RASEF: variants seen among roughly 807,000 people sequenced by gnomAD.
The protein encoded by RASEF is ras and EF-hand domain-containing protein.
In RASEF, 68 loss-of-function variants were observed where a neutral mutation model predicts 90.1. The ratio of observed to expected loss-of-function variants is 0.75; its 90% CI spans 0.62 to 0.92. RASEF has a LOEUF of 0.92. Ranked by LOEUF, RASEF falls within the 40% of genes least tolerant of loss-of-function variation. The pLI, the probability that RASEF is intolerant of heterozygous loss-of-function variation, is 0.00. For synonymous variants in RASEF, 331 were observed against 345.2 expected (o/e 0.96, Z 0.46); for missense variants, 949 against 937.2 (o/e 1.01, Z -0.16).
At chr9:83,173,391 C>A in the RASEF span, among the ~76,000 whole-genome samples, 6 of 151,742 alleles carry the variant, frequency 4.0e-5, no homozygotes, top group African/African-American at 1.5e-4. Context: ...CCTTTTGAGG[C>A]TATTTTCTAG....
chr9:82,991,123 T>G (rs923777651), intron 15 of RASEF, among the ~76,000 whole-genome samples: 1 of 152,002 alleles, frequency 6.6e-6, no homozygotes, highest in African/African-American at 2.4e-5. Context: ...CATCCCCCAC[T>G]CACTCACAGA....
At chr9:83,069,579 G>A in the RASEF span, among the ~76,000 whole-genome samples, 2 of 152,084 alleles carry the variant, frequency 1.3e-5, no homozygotes, top group Non-Finnish European at 2.9e-5. Flanking sequence ...TGATATTTGG[G>A]TCATTTCCAG....
the RASEF span, among the ~76,000 whole-genome samples, chr9:83,212,000 C>T: frequency 1.3e-5 from 2 of 151,782 alleles, no homozygotes; most frequent in Non-Finnish European, 2.9e-5. Flanking sequence ...GAAACTAGTA[C>T]TTGAATTGAA....
intron 1 of RASEF, among the ~76,000 whole-genome samples, chr9:83,056,657 G>A (rs1830108956): frequency 6.6e-6 from 1 of 152,240 alleles, no homozygotes; most frequent in African/African-American, 2.4e-5. Context: ...GATAGGGGTA[G>A]TGTAACTGAA....
the RASEF span, among the ~76,000 whole-genome samples, chr9:83,203,672 G>A: frequency 7.9e-5 from 12 of 152,110 alleles, no homozygotes; most frequent in African/African-American, 2.7e-4. Flanking sequence ...AAGGTGGTAC[G>A]GTGGGGGTCT....
the RASEF span, among the ~76,000 whole-genome samples, chr9:83,161,978 T>G: frequency 2.6e-5 from 4 of 152,026 alleles, no homozygotes; most frequent in Admixed American, 6.5e-5. Context: ...CCAATAAACC[T>G]CTTTCTTCTG....
At chr9:83,178,086 T>C in the RASEF span, among the ~76,000 whole-genome samples, 1 of 152,216 alleles carries the variant, frequency 6.6e-6, no homozygotes, top group Non-Finnish European at 1.5e-5. Flanking sequence ...GTTTGTTTTG[T>C]TTTTTATCAT....
At chr9:83,148,167 T>A in the RASEF span, among the ~76,000 whole-genome samples, 750 of 152,262 alleles carry the variant, frequency 4.9e-3, 16 homozygotes, top group East Asian at 0.062. Context: ...TTGCCTCCTA[T>A]CTGTATCAGT....
chr9:83,001,198 C>A, intron 9 of RASEF, 68 bp from the exon 10 acceptor site: 1 of 1,107,924 alleles, frequency 9.0e-7, no homozygotes, highest in South Asian at 1.4e-5. Flanking sequence ...AGGCAATAGA[C>A]CACATGCCAT....
chr9:83,055,867 T>A (rs1830094349), intron 1 of RASEF, among the ~76,000 whole-genome samples: 1 of 152,198 alleles, frequency 6.6e-6, no homozygotes, highest in Non-Finnish European at 1.5e-5. Context: ...ATGTGAAACA[T>A]CCATAGTCCA....
chr9:83,094,276 A>G, the RASEF span, among the ~76,000 whole-genome samples: 1 of 151,418 alleles, frequency 6.6e-6, no homozygotes, highest in African/African-American at 2.5e-5. Context: ...TGCTATAAAT[A>G]TGAAATACCC....
At chr9:83,062,359 C>G in intron 1 of RASEF, 78 bp downstream of exon 1, 1 of 1,440,804 alleles carries the variant, frequency 6.9e-7, no homozygotes, top group Non-Finnish European at 9.6e-7. Context: ...GCCATTGGGT[C>G]TGCACACCTG....
At chr9:83,057,920 A>G (rs1163815585) in intron 1 of RASEF, among the ~76,000 whole-genome samples, 1 of 149,516 alleles carries the variant, frequency 6.7e-6, no homozygotes, top group African/African-American at 2.4e-5. Context: ...AGATGCTCAC[A>G]TGTGGAAGAT....
At chr9:83,054,723 G>C (rs994618406) in intron 1 of RASEF, 15 of 137,804 alleles carry the variant, frequency 1.1e-4, no homozygotes, top group African/African-American at 3.1e-4. Flanking sequence ...ATGGGTTTTC[G>C]GTGTAGATGT....
the RASEF span, among the ~76,000 whole-genome samples, chr9:83,208,392 G>A: frequency 6.6e-6 from 1 of 152,142 alleles, no homozygotes; most frequent in Non-Finnish European, 1.5e-5. Flanking sequence ...CCCTCCCCCA[G>A]GTTCCTCTAA....
chr9:83,115,143 T>G, the RASEF span, among the ~76,000 whole-genome samples: 3 of 152,136 alleles, frequency 2.0e-5, no homozygotes, highest in Non-Finnish European at 2.9e-5. Context: ...CTACGTGAAA[T>G]ATCGGGGGTG....
the RASEF span, among the ~76,000 whole-genome samples, chr9:83,101,476 G>T: frequency 6.6e-6 from 1 of 152,188 alleles, no homozygotes; most frequent in Admixed American, 6.5e-5. Context: ...CACTATGCAT[G>T]AGCAGGTCAC....
the RASEF span, among the ~76,000 whole-genome samples, chr9:83,200,544 G>A: frequency 6.6e-6 from 1 of 152,086 alleles, no homozygotes; most frequent in African/African-American, 2.4e-5. Context: ...CCATCTCAGC[G>A]AGACACTCCG....
chr9:83,170,835 A>AT, the RASEF span, among the ~76,000 whole-genome samples: 1 of 151,654 alleles, frequency 6.6e-6, no homozygotes, highest in South Asian at 2.1e-4. Context: ...AGTCTTTAGG[A>AT]TTTTTCTAAA....
Sources: gnomAD v4.1 joint callset for allele counts (sites outside exome capture counted in the v4.1 genomes callset) on GRCh38, gnomAD v4.1.1 for gene constraint, MANE v1.5 for transcripts, NCBI Gene and HGNC (gene_info 2026-07-23, HGNC 2026-07-21) for gene names.